ERMP1: variants seen among roughly 807,000 people sequenced by gnomAD.
ERMP1 encodes Felix-ina.
In ERMP1, 86 loss-of-function variants were observed where a neutral mutation model predicts 92.0. The observed-to-expected ratio is 0.93, with a 90% CI of 0.79 to 1.12. The LOEUF is 1.12. Among genes scored for constraint, ERMP1 ranks in the 50% most tolerant of loss-of-function variants. The pLI, the probability that ERMP1 is intolerant of heterozygous loss-of-function variation, is 0.00. For missense variants in ERMP1, 1,342 were observed against 1,116.3 expected (o/e 1.20, Z -2.88); for synonymous variants, 530 against 412.8 (o/e 1.28, Z -3.44).
intron 8 of ERMP1, among the ~76,000 whole-genome samples, chr9:5,808,419 G>A (rs887620058): frequency 6.6e-6 from 1 of 152,204 alleles, no homozygotes; most frequent in Non-Finnish European, 1.5e-5. Context: ...ATAAAAATAT[G>A]AGCTCAACCA....
chr9:5,845,457 A>C (rs1438586577), intron 6 of ERMP1, among the ~76,000 whole-genome samples: 1 of 151,896 alleles, frequency 6.6e-6, no homozygotes, highest in African/African-American at 2.4e-5. Context: ...GAGGAGGATG[A>C]AGAGAGAGAG....
intron 6 of ERMP1, among the ~76,000 whole-genome samples, chr9:5,852,694 C>T (rs148868136): frequency 1.5e-4 from 22 of 150,948 alleles, no homozygotes; most frequent in Middle Eastern, 3.5e-3. Context: ...AAGTGAACAC[C>T]TTGCAAATCC....
In ERMP1 at chr9:5,798,914, T is replaced by A; in HGVS notation, c.2162A>T (p.His721Leu). 2 of 1,612,340 alleles carry A rather than the reference T, an allele frequency of 1.2e-6. No homozygotes were observed. Among genetic ancestry groups the A allele is most frequent in the Non-Finnish European group, 1.7e-6 (2 of 1,178,406 alleles). Reference protein sequence around the residue: ...INGFDYTGISHITPHIPEIND... With the variant: ...INGFDYTGISLITPHIPEIND... ...GATCTCAGGAATGTGAGGGGTTATG[T>A]GAGAAATTCCAGTATAATCAAACCC... Residue 721 changes from histidine to leucine, a missense_variant, in exon 12 of 15, where the codon CAC becomes CTC. Coordinates refer to ENST00000339450, the MANE Select transcript of ERMP1 (RefSeq NM_024896.3).
At chr9:5,835,432 T>C (rs574312505), upstream of ERMP1, among the ~76,000 whole-genome samples, 17 of 152,330 alleles carry the variant, frequency 1.1e-4, no homozygotes, top group East Asian at 3.3e-3. Context: ...AAATTGAGAC[T>C]GACAAAAGCT....
chr9:5,786,853 T>G lies in ERMP1; in HGVS notation c.*291A>C. Reference sequence around the variant, plus strand: ...CTAAAGGGGCAGCTATTGAAGTGGATTGTTGGCTTTGTCCTTAAGGTCATA... The same window carrying G: ...CTAAAGGGGCAGCTATTGAAGTGGAGTGTTGGCTTTGTCCTTAAGGTCATA... On this transcript the variant is annotated 3_prime_UTR_variant, in exon 15 of 15. Transcript: ENST00000339450. 1 of 218,932 alleles carries G rather than the reference T, an allele frequency of 4.6e-6. No individual in the cohort carries two copies. Among genetic ancestry groups the G allele is most frequent in the Non-Finnish European group, 9.1e-6 (1 of 110,064 alleles). 13.6% of individuals were successfully genotyped at this position (218,932 alleles called of 1,614,324 possible).
At chr9:5,850,405 C>CAAAAA (rs59464514) in intron 6 of ERMP1, among the ~76,000 whole-genome samples, 409 of 39,502 alleles carry the variant, frequency 0.01, 18 homozygotes, top group Admixed American at 0.018. Flanking sequence ...AACTCCGTCT[C>CAAAAA]AAAAAAAAAA....
At chr9:5,800,420 A>G (rs1828623495) in intron 11 of ERMP1, among the ~76,000 whole-genome samples, 1 of 152,198 alleles carries the variant, frequency 6.6e-6, no homozygotes, top group Non-Finnish European at 1.5e-5. Context: ...CACACCTGTA[A>G]TCCCAAGCAC....
At chr9:5,805,527 T>C in intron 9 of ERMP1, 84 bp downstream of exon 9, 6 of 1,299,884 alleles carry the variant, frequency 4.6e-6, no homozygotes, top group East Asian at 2.6e-5. Flanking sequence ...GCCTACCCAA[T>C]AAAACCAAAA....
intron 5 of ERMP1, among the ~76,000 whole-genome samples, chr9:5,864,525 G>A (rs1586853202): frequency 1.3e-5 from 2 of 152,172 alleles, no homozygotes; most frequent in Admixed American, 6.5e-5. Context: ...CCCGTGGGGA[G>A]GGGGGCGAGC....
rs1439715645 is a variant in ERMP1 at position 5,830,761 on chromosome 9, A to G, written c.606T>C (p.Ala202=). The change falls in exon 2 of 15, where the codon GCT becomes GCC. Residue 202 remains alanine, a synonymous_variant. Transcript: ENST00000339450. ...TTGCTACTGAGTCAAAATGACAATT[A>G]GCCAAGACAGCATGCTGGGCTCCAT... ...PRDGAQHAVL[A]NCHFDSVANS... is the part of the protein sequence containing the mutation. The G allele has an allele frequency of 2.5e-6, 4 of 1,613,934 alleles. No homozygotes were observed. The highest frequency in any genetic ancestry group is 3.4e-6 in the Non-Finnish European group (4 of 1,179,882).
intron 6 of ERMP1, among the ~76,000 whole-genome samples, chr9:5,842,047 T>C (rs926427821): frequency 2.0e-5 from 3 of 152,184 alleles, no homozygotes; most frequent in African/African-American, 7.2e-5. Context: ...CAGTGAGCGT[T>C]ACAGCATATA....
At position 5,805,157 on chromosome 9, in the gene ERMP1, G is replaced by A. The variant is rs1410378053; in HGVS notation, c.1784C>T (p.Ala595Val). The A allele has an allele frequency of 6.2e-7, 1 of 1,613,090 alleles. No homozygotes were observed. The stretch of plus-strand genomic sequence containing the variant: ...AAATACTGCCCAGATGAGGTACAAT[G>A]CATAAAGATAAGGAATAAACATCCC... ...LLGMFIPYLY[A>V]LYLIWAVFEM... is the part of the protein sequence containing the mutation. Residue 595 changes from alanine to valine, a missense_variant, in exon 10 of 15, where the codon GCA becomes GTA. Physicochemically the swap from Ala to Val is moderately conservative, Grantham distance 64. Transcript: ENST00000339450.
At chr9:5,788,471 C>CA (rs760595504) in intron 13 of ERMP1, among the ~76,000 whole-genome samples, 1 of 151,918 alleles carries the variant, frequency 6.6e-6, no homozygotes, top group Non-Finnish European at 1.5e-5. Context: ...TGAAAAGAAG[C>CA]AAAAGAAAAT....
intron 2 of ERMP1, among the ~76,000 whole-genome samples, chr9:5,825,562 T>G (rs894959828): frequency 6.6e-6 from 1 of 152,210 alleles, no homozygotes; most frequent in Non-Finnish European, 1.5e-5. Context: ...GTTCTATTCT[T>G]TACCCGTATT....
intron 4 of ERMP1, among the ~76,000 whole-genome samples, chr9:5,820,174 C>A (rs1829476679): frequency 1.3e-5 from 2 of 152,062 alleles, no homozygotes; most frequent in African/African-American, 4.8e-5. Flanking sequence ...TGTCACACAC[C>A]TGTAATCCCA....
At chr9:5,833,166 G>GT, upstream of ERMP1, 3 of 770,700 alleles carry the variant, frequency 3.9e-6, no homozygotes, top group Non-Finnish European at 5.7e-6. Context: ...TGATTGGCCC[G>GT]TCCCGCCGCG....
chr9:5,844,216 T>C (rs1830206396), intron 6 of ERMP1, among the ~76,000 whole-genome samples: 1 of 152,200 alleles, frequency 6.6e-6, no homozygotes, highest in Non-Finnish European at 1.5e-5. Flanking sequence ...CAGACTCAGA[T>C]GTAAGTGGCC....
chr9:5,851,373 A>G (rs1188713553), intron 6 of ERMP1, among the ~76,000 whole-genome samples: 2 of 152,208 alleles, frequency 1.3e-5, no homozygotes, highest in Non-Finnish European at 2.9e-5. Context: ...CTGACATGCT[A>G]TAAATGAATT....
In ERMP1 at chr9:5,830,858, A is replaced by G; in HGVS notation, c.509T>C (p.Ile170Thr). 6.2e-7 allele frequency: 1 copy of G among 1,614,122 alleles called. No homozygotes were observed. Reference sequence around the variant, plus strand: ...GCTTGTAAAACCTCCCAAGAAATCAATGCTAAAAGAGCCTGTGGGCCGTTG... The same window carrying G: ...GCTTGTAAAACCTCCCAAGAAATCAGTGCTAAAAGAGCCTGTGGGCCGTTG... Reference protein sequence around the residue: ...DVQRPTGSFSIDFLGGFTSYY... With the variant: ...DVQRPTGSFSTDFLGGFTSYY... Residue 170 changes from isoleucine (I) to threonine (T), a missense_variant, in exon 2 of 15, where the codon ATT becomes ACT. Ile to Thr is a moderately conservative substitution (Grantham distance 89, BLOSUM62 -1). Transcript: ENST00000339450.
Sources: gnomAD v4.1 joint callset for allele counts (sites outside exome capture counted in the v4.1 genomes callset) on GRCh38, gnomAD v4.1.1 for gene constraint, MANE v1.5 for transcripts, NCBI Gene and HGNC (gene_info 2026-07-23, HGNC 2026-07-21) for gene names.